The following THRB variants were observed in gnomAD, a reference collection of about 807,000 sequenced individuals.
THRB encodes the protein nuclear receptor subfamily 1 group A member 2.
THRB carries 12 observed loss-of-function variants against 47.8 expected under a neutral mutation model. The ratio of observed to expected loss-of-function variants is 0.25; its 90% confidence interval spans 0.16 to 0.41. The LOEUF is 0.41. THRB is among the 10% of genes least tolerant of loss of function. THRB has a pLI of 1.00. For missense variants in THRB, 348 were observed against 589.2 expected (o/e 0.59, Z 4.24); for synonymous variants, 218 against 212.2 (o/e 1.03, Z -0.24).
At chr3:24,296,841 A>G (rs2056489603) in intron 3 of THRB, among the ~76,000 whole-genome samples, 1 of 152,244 alleles carries the variant, frequency 6.6e-6, no homozygotes, top group Admixed American at 6.5e-5. Context: ...CAGGGAACTC[A>G]GCAAGAACTG....
intron 1 of THRB, among the ~76,000 whole-genome samples, chr3:24,376,014 G>A (rs1254569991): frequency 6.6e-6 from 1 of 152,082 alleles, no homozygotes; most frequent in East Asian, 1.9e-4. Flanking sequence ...AACTCCTCTA[G>A]AGGCCAAAAC....
At chr3:24,280,274 T>C (rs1291316271) in intron 3 of THRB, among the ~76,000 whole-genome samples, 1 of 152,136 alleles carries the variant, frequency 6.6e-6, no homozygotes, top group Non-Finnish European at 1.5e-5. Flanking sequence ...AGTGGGTCCC[T>C]GACTCCTGAC....
At chr3:24,455,511 C>T (rs1460487813) in intron 1 of THRB, 2 of 152,100 alleles carry the variant, frequency 1.3e-5, no homozygotes, top group East Asian at 1.9e-4. Context: ...AATGGAAGCA[C>T]AACTTTGGTT....
chr3:24,349,384 T>C (rs2063221981), intron 1 of THRB, among the ~76,000 whole-genome samples: 1 of 151,998 alleles, frequency 6.6e-6, no homozygotes, highest in Non-Finnish European at 1.5e-5. Context: ...GAAATAGCAA[T>C]GAGCCAAGAA....
intron 1 of THRB, among the ~76,000 whole-genome samples, chr3:24,381,434 G>A (rs2065704459): frequency 6.6e-6 from 1 of 152,104 alleles, no homozygotes; most frequent in Non-Finnish European, 1.5e-5. Context: ...TAGAGAATAA[G>A]CTTTTTGGAG....
chr3:24,230,037 TG>T (rs1252564969), intron 3 of THRB, among the ~76,000 whole-genome samples: 1 of 152,218 alleles, frequency 6.6e-6, no homozygotes, highest in Non-Finnish European at 1.5e-5. Context: ...GTGGAAGTGC[TG>T]GGTAATCTAT....
chr3:24,404,402 A>C (rs529103827), intron 1 of THRB, among the ~76,000 whole-genome samples: 40 of 152,070 alleles, frequency 2.6e-4, no homozygotes, highest in African/African-American at 9.1e-4. Flanking sequence ...CTTATCATAA[A>C]AGGCTAATAA....
At chr3:24,200,478 T>C (rs1484299517) in intron 4 of THRB, among the ~76,000 whole-genome samples, 3 of 152,236 alleles carry the variant, frequency 2.0e-5, no homozygotes, top group Non-Finnish European at 4.4e-5. Context: ...TACATCACCC[T>C]GTAAAAATCT....
At chr3:24,214,950 C>A (rs1301071035) in intron 4 of THRB, among the ~76,000 whole-genome samples, 1 of 152,188 alleles carries the variant, frequency 6.6e-6, no homozygotes, top group Non-Finnish European at 1.5e-5. Context: ...AATATTATCA[C>A]CCCATCAAAT....
intron 1 of THRB, among the ~76,000 whole-genome samples, chr3:24,456,008 T>C (rs531712036): frequency 1.3e-5 from 2 of 152,318 alleles, no homozygotes; most frequent in East Asian, 1.9e-4. Context: ...AGAAAGCACA[T>C]AGTCCTTTTA....
At chr3:24,490,998 A>G (rs1698060072) in intron 1 of THRB, among the ~76,000 whole-genome samples, 1 of 152,204 alleles carries the variant, frequency 6.6e-6, no homozygotes, top group Admixed American at 6.5e-5. Context: ...TTCAAGTATT[A>G]TCCATGATAT....
At chr3:24,245,103 T>C (rs2049977174) in intron 3 of THRB, among the ~76,000 whole-genome samples, 1 of 152,290 alleles carries the variant, frequency 6.6e-6, no homozygotes, top group Non-Finnish European at 1.5e-5. Flanking sequence ...GAGAAGACTC[T>C]TGGGGACTGC....
intron 3 of THRB, among the ~76,000 whole-genome samples, chr3:24,235,714 C>T (rs2048790716): frequency 6.6e-6 from 1 of 151,924 alleles, no homozygotes; most frequent in Non-Finnish European, 1.5e-5. Flanking sequence ...AGCCCAAGAC[C>T]ATTAAAACTG....
chr3:24,288,874 C>A (rs911679564), intron 3 of THRB, among the ~76,000 whole-genome samples: 2 of 152,212 alleles, frequency 1.3e-5, no homozygotes, highest in African/African-American at 4.8e-5. Context: ...TTTACAAACA[C>A]ACACCATTTG....
rs144466958 is a variant in THRB at position 24,320,091 on chromosome 3, A to G, written c.-189+17209T>C. On this transcript the variant is annotated intron_variant, in intron 2 of 10. Coordinates refer to ENST00000646209, the MANE Select transcript of THRB (RefSeq NM_001354712.2). ...CAGTCAAGTCATTGCTTCGGGTGCC[A>G]CTTTTTGAAAGTCACTTCATAAAAG... 2.2e-4 allele frequency among the ~76,000 whole-genome samples: 34 copies of G among 152,324 alleles called. No individual in the cohort carries two copies. In the East Asian group the frequency reaches 5.6e-3, roughly 25 times the overall value.
intron 3 of THRB, among the ~76,000 whole-genome samples, chr3:24,233,096 G>A (rs1431928690): frequency 2.0e-5 from 3 of 152,200 alleles, no homozygotes; most frequent in Non-Finnish European, 4.4e-5. Flanking sequence ...CTCATTGGAA[G>A]AGTAGAAAAG....
intron 1 of THRB, among the ~76,000 whole-genome samples, chr3:24,395,624 A>G (rs1021453249): frequency 1.5e-4 from 23 of 152,224 alleles, no homozygotes; most frequent in Non-Finnish European, 2.9e-4. Context: ...AAGTGTTGGC[A>G]AGGATGTAGA....
intron 3 of THRB, among the ~76,000 whole-genome samples, chr3:24,255,271 C>A (rs937538139): frequency 3.9e-5 from 6 of 152,146 alleles, no homozygotes; most frequent in Admixed American, 3.9e-4. Flanking sequence ...GTGAAATATT[C>A]TTTGAGTGCC....
intron 2 of THRB, among the ~76,000 whole-genome samples, chr3:24,324,982 T>C (rs1430582359): frequency 6.6e-6 from 1 of 152,214 alleles, no homozygotes; most frequent in African/African-American, 2.4e-5. Context: ...CAAAATAAAA[T>C]GAATAAAATC....
Sources: gnomAD v4.1 joint callset for allele counts (sites outside exome capture counted in the v4.1 genomes callset) on GRCh38, gnomAD v4.1.1 for gene constraint, MANE v1.5 for transcripts, NCBI Gene and HGNC (gene_info 2026-07-23, HGNC 2026-07-21) for gene names.